Variants in ZNF765 observed in about 807,000 individuals in gnomAD.
ZNF765 encodes zinc finger protein 765.
Under a neutral mutation model 44.7 loss-of-function variants are expected in ZNF765, and 37 were observed. The ratio of observed to expected loss-of-function variants is 0.83; its 90% CI spans 0.64 to 1.09. The LOEUF (loss-of-function observed/expected upper bound fraction) is 1.09, where lower values mean the gene tolerates loss of function less well. Ranked by LOEUF, ZNF765 falls within the 50% of genes least tolerant of loss-of-function variation. ZNF765 has a pLI of 0.00. For synonymous variants in ZNF765, 201 were observed against 213.7 expected (o/e 0.94, Z 0.52); for missense variants, 594 against 626.1 (o/e 0.95, Z 0.55).
Position 53,408,232 on chromosome 19 carries a change from G to A in ZNF765, c.677G>A (p.Cys226Tyr), listed in dbSNP as rs772355981. 2 of 1,614,118 alleles carry A rather than the reference G, an allele frequency of 1.2e-6. No homozygotes were observed. The highest frequency in any genetic ancestry group is 1.7e-5 in the Admixed American group (1 of 60,008). Residue 226 changes from cysteine to tyrosine, a missense_variant, in exon 4 of 4, where the codon TGT becomes TAT. By Grantham distance (194) the Cys-to-Tyr change is radical. Transcript: ENST00000396408. The part of the protein sequence containing the change: ...QCNDSGKAYN[C>Y]SSLLRKHQLI... ...AATGACAGTGGCAAAGCCTATAATTGTAGCTCACTCTTAAGGAAACATCAG... is the reference window on the plus strand; with the variant it reads ...AATGACAGTGGCAAAGCCTATAATTATAGCTCACTCTTAAGGAAACATCAG...
At chr19:53,412,604 T>A (rs935253428), downstream of ZNF765, among the ~76,000 whole-genome samples, 2 of 152,140 alleles carry the variant, frequency 1.3e-5, no homozygotes, top group African/African-American at 4.8e-5. Context: ...TCTATCAAAG[T>A]AAAATAAATT....
chr19:53,413,995 C>T (rs1170667929), downstream of ZNF765, among the ~76,000 whole-genome samples: 1 of 149,486 alleles, frequency 6.7e-6, no homozygotes, highest in Non-Finnish European at 1.5e-5. Flanking sequence ...AATCCCACCA[C>T]GTTGGGAGGC....
intron 2 of ZNF765, 199 bp from the exon 3 acceptor site, chr19:53,401,866 A>G: frequency 2.2e-6 from 3 of 1,378,370 alleles, no homozygotes; most frequent in Admixed American, 1.9e-5. Context: ...ACAGAGTGAG[A>G]CTCCACCTTT....
chr19:53,409,369 A>G lies in ZNF765; in HGVS notation c.*242A>G. On this transcript the variant is annotated 3_prime_UTR_variant, in exon 4 of 4. Coordinates refer to ENST00000396408, the MANE Select transcript of ZNF765 (RefSeq NM_001040185.3). ...AAACTTCATAGTGGAGAGACCTTAC[A>G]AATGTGAAGAATGTGAAGAAGCTTT... 2 of 838,678 alleles carry G rather than the reference A, an allele frequency of 2.4e-6. No homozygotes were observed. The highest frequency in any genetic ancestry group is 2.7e-5 in the South Asian group (2 of 73,548). 52.0% of individuals were successfully genotyped at this position (838,678 alleles called of 1,614,324 possible).
downstream of ZNF765, among the ~76,000 whole-genome samples, chr19:53,414,807 C>A: frequency 6.6e-6 from 1 of 150,834 alleles, no homozygotes; most frequent in Non-Finnish European, 1.5e-5. Flanking sequence ...GGTGCTCAAT[C>A]AGTGTGATCC....
At chr19:53,399,042 T>G (rs2085697064) in intron 2 of ZNF765, among the ~76,000 whole-genome samples, 1 of 151,994 alleles carries the variant, frequency 6.6e-6, no homozygotes, top group South Asian at 2.1e-4. Context: ...TAAGCCACCA[T>G]GCCCAGCCCC....
At chr19:53,403,226 A>G (rs2085745318) in intron 3 of ZNF765, among the ~76,000 whole-genome samples, 1 of 152,086 alleles carries the variant, frequency 6.6e-6, no homozygotes, top group African/African-American at 2.4e-5. Context: ...TCTCTTGTAG[A>G]CAACATGTAG....
chr19:53,409,371 A>C lies in ZNF765; in HGVS notation c.*244A>C. ...ACTTCATAGTGGAGAGACCTTACAAATGTGAAGAATGTGAAGAAGCTTTCT... is the reference window on the plus strand; with the variant it reads ...ACTTCATAGTGGAGAGACCTTACAACTGTGAAGAATGTGAAGAAGCTTTCT... On this transcript the variant is annotated 3_prime_UTR_variant, in exon 4 of 4. Transcript: ENST00000396408. 1.2e-6 allele frequency: 1 copy of C among 824,502 alleles called. No individual in the cohort carries two copies. The highest frequency in any genetic ancestry group is 2.4e-5 in the East Asian group (1 of 40,882). 51.1% of individuals were successfully genotyped at this position (824,502 alleles called of 1,614,324 possible).
At chr19:53,419,867 C>T (rs953824894) in intron 3 of ZNF765, among the ~76,000 whole-genome samples, 5 of 149,634 alleles carry the variant, frequency 3.3e-5, no homozygotes, top group Admixed American at 1.3e-4. Flanking sequence ...AAACTACAAA[C>T]GATTACCTGG....
intron 3 of ZNF765, among the ~76,000 whole-genome samples, chr19:53,420,877 C>T (rs2085902826): frequency 6.6e-6 from 1 of 152,126 alleles, no homozygotes; most frequent in Non-Finnish European, 1.5e-5. Flanking sequence ...TCCAAGGTTT[C>T]TCCCCATGTG....
chr19:53,399,091 AATT>A (rs2085697701), intron 2 of ZNF765, among the ~76,000 whole-genome samples: 1 of 151,372 alleles, frequency 6.6e-6, no homozygotes, highest in Admixed American at 6.6e-5. Context: ...TTTTTTTTAA[AATT>A]ATTATTATAC....
rs1254847786 is a variant in ZNF765 at position 53,406,570 on chromosome 19, G to A, written c.143-1128G>A. On this transcript the variant is annotated intron_variant, in intron 3 of 3. Transcript: ENST00000396408. ...AATTAATTTTTATGATTGTACATGA[G>A]GCTTTTCGGTATGTGGTATGCAATA... Among the ~76,000 whole-genome samples the A allele has an allele frequency of 2.0e-5, 3 of 152,148 alleles. No homozygotes were observed. The East Asian group carries it at 5.8e-4, about 29-fold the overall frequency.
downstream of ZNF765, among the ~76,000 whole-genome samples, chr19:53,412,971 A>G (rs762209096): frequency 2.0e-5 from 3 of 152,198 alleles, no homozygotes; most frequent in Non-Finnish European, 2.9e-5. Context: ...TTAACTGGGT[A>G]TGGTGGCAGA....
downstream of ZNF765, among the ~76,000 whole-genome samples, chr19:53,416,917 G>A (rs77900793): frequency 0.27 from 41,333 of 151,466 alleles, 5,937 homozygotes; most frequent in Middle Eastern, 0.33. Flanking sequence ...TCGCAGGTTT[G>A]AGCAATTCTC....
chr19:53,426,334 G>A (rs2085939422), exon 4 of ZNF765: 1 of 152,172 alleles, frequency 6.6e-6, no homozygotes, highest in African/African-American at 2.4e-5. Context: ...TGGCTTTTCT[G>A]AAGTGGTGGC....
At chr19:53,417,168 G>A (rs1182892544) in intron 3 of ZNF765, among the ~76,000 whole-genome samples, 1 of 152,096 alleles carries the variant, frequency 6.6e-6, no homozygotes, top group Non-Finnish European at 1.5e-5. Context: ...ACATGTGCAG[G>A]TCTGTTACAT....
At chr19:53,417,273 C>G (rs2147105582) in intron 3 of ZNF765, among the ~76,000 whole-genome samples, 1 of 152,262 alleles carries the variant, frequency 6.6e-6, no homozygotes, top group South Asian at 2.1e-4. Flanking sequence ...TGATCCTCTC[C>G]CTTCTCCCAC....
chr19:53,403,949 G>T (rs1230759818), intron 3 of ZNF765, among the ~76,000 whole-genome samples: 3 of 151,578 alleles, frequency 2.0e-5, no homozygotes, highest in African/African-American at 7.3e-5. Flanking sequence ...TGTTGCATTC[G>T]CATTAACATA....
rs1172011810 is a variant in ZNF765 at position 53,402,100 on chromosome 19, C to A, written c.51C>A (p.Phe17Leu). 6.2e-7 allele frequency: 1 copy of A among 1,613,876 alleles called. No individual in the cohort carries two copies. The highest frequency in any genetic ancestry group is 1.7e-5 in the Admixed American group (1 of 59,958). The change falls in exon 3 of 4, where the codon TTC (phenylalanine) becomes TTA (leucine). Residue 17 changes from phenylalanine to leucine, a missense_variant. Coordinates refer to ENST00000396408, the MANE Select transcript of ZNF765 (RefSeq NM_001040185.3). Reference protein sequence around the residue: ...LLTFRDVAIEFSQEEWKCLDP... With the variant: ...LLTFRDVAIELSQEEWKCLDP... ...CATTCAGGGATGTGGCCATAGAATT[C>A]TCTCAGGAGGAGTGGAAATGCCTGG... is the stretch of plus-strand genomic sequence containing the variant.
Sources: allele counts gnomAD v4.1 joint callset (sites outside exome capture counted in the v4.1 genomes callset), GRCh38; gene constraint gnomAD v4.1.1; transcripts MANE v1.5; gene names NCBI Gene and HGNC (gene_info 2026-07-23, HGNC 2026-07-21).